NLK: variants seen among roughly 807,000 people sequenced by gnomAD.
NLK encodes the protein nemo like kinase, also known as serine/threonine-protein kinase NLK.
In NLK, 11 loss-of-function variants were observed where a neutral mutation model predicts 59.0. That is an observed-to-expected ratio of 0.19 (90% CI 0.12 to 0.31). The LOEUF is 0.31. Ranked by LOEUF, NLK falls within the 10% of genes least tolerant of loss-of-function variation. NLK has a pLI of 1.00. For synonymous variants in NLK, 235 were observed against 235.9 expected (o/e 1.00, Z 0.03); for missense variants, 410 against 661.1 (o/e 0.62, Z 4.16).
chr17:28,168,887 A>T (rs1489556331), intron 6 of NLK, among the ~76,000 whole-genome samples: 1 of 151,894 alleles, frequency 6.6e-6, no homozygotes, highest in East Asian at 1.9e-4. Context: ...TTTATTTATT[A>T]TTATTATTAT....
Position 28,168,628 on chromosome 17 carries a change from T to G in NLK, c.1018T>G (p.Leu340Val). 1 of 1,613,854 alleles carries G rather than the reference T, an allele frequency of 6.2e-7. No homozygotes were observed. Among genetic ancestry groups the G allele is most frequent in the Non-Finnish European group, 8.5e-7 (1 of 1,179,772 alleles). Reference sequence around the variant, plus strand: ...TGCAGAACTACTAGGACGAAGAATATTGTTTCAGGCACAGAGTCCCATTCA... The same window carrying G: ...TGCAGAACTACTAGGACGAAGAATAGTGTTTCAGGCACAGAGTCCCATTCA... ...IFAELLGRRI[L>V]FQAQSPIQQL... is the part of the protein sequence containing the mutation. The change falls in exon 6 of 11, where the codon TTG becomes GTG. Residue 340 changes from leucine (L) to valine (V), a missense_variant. Leu to Val is a conservative substitution (Grantham distance 32). Transcript: ENST00000407008.
At chr17:28,155,415 C>A (rs941748156) in intron 3 of NLK, among the ~76,000 whole-genome samples, 3 of 152,104 alleles carry the variant, frequency 2.0e-5, no homozygotes, top group Admixed American at 2.0e-4. Flanking sequence ...TTTGACCCAG[C>A]GATCCCATTA....
At chr17:28,185,358 ATAAT>A (rs1909075268) in intron 8 of NLK, 93 bp downstream of exon 8, 2 of 752,150 alleles carry the variant, frequency 2.7e-6, no homozygotes, top group East Asian at 5.6e-5. Context: ...GGCAATGTAA[ATAAT>A]TACTTTTCAG....
chr17:28,102,860 A>G (rs1042964998), intron 1 of NLK, among the ~76,000 whole-genome samples: 1 of 152,086 alleles, frequency 6.6e-6, no homozygotes, highest in African/African-American at 2.4e-5. Flanking sequence ...TCAGGGGGGC[A>G]TCAGCTTTGT....
intron 7 of NLK, among the ~76,000 whole-genome samples, chr17:28,179,856 T>C (rs1908830157): frequency 7.9e-5 from 12 of 151,656 alleles, no homozygotes; most frequent in Admixed American, 7.9e-4. Flanking sequence ...CTAGGGCATA[T>C]TTCTAAGCAT....
chr17:28,162,406 G>A (rs1908045055), intron 4 of NLK, among the ~76,000 whole-genome samples: 1 of 152,102 alleles, frequency 6.6e-6, no homozygotes, highest in African/African-American at 2.4e-5. Flanking sequence ...GCTGAGGCGG[G>A]CAGATCATCT....
chr17:28,122,567 C>CT (rs760061032), intron 1 of NLK, 36 bp from the exon 2 acceptor site: 20 of 1,608,622 alleles, frequency 1.2e-5, no homozygotes, highest in African/African-American at 4.0e-5. Flanking sequence ...ATTTCTCTGT[C>CT]TTTTTTTTCC....
intron 7 of NLK, among the ~76,000 whole-genome samples, chr17:28,177,704 A>G (rs892036510): frequency 2.6e-5 from 4 of 152,230 alleles, no homozygotes; most frequent in African/African-American, 9.6e-5. Context: ...AAATCTTTGA[A>G]AGACTTTTTA....
At chr17:28,088,460 T>C (rs1904361411) in intron 1 of NLK, among the ~76,000 whole-genome samples, 1 of 152,210 alleles carries the variant, frequency 6.6e-6, no homozygotes. Context: ...ACGGTTTCTA[T>C]AAATGATGGG....
chr17:28,047,005 ATC>A (rs955698221), intron 1 of NLK, among the ~76,000 whole-genome samples: 4 of 152,138 alleles, frequency 2.6e-5, no homozygotes, highest in African/African-American at 7.2e-5. Context: ...GGTTACTTTT[ATC>A]TGTCTTTCAA....
intron 1 of NLK, among the ~76,000 whole-genome samples, chr17:28,109,166 G>A (rs1233469962): frequency 6.7e-6 from 1 of 150,262 alleles, no homozygotes; most frequent in African/African-American, 2.5e-5. Context: ...GCGAGACTTC[G>A]TCTCACAAAA....
Position 28,175,353 on chromosome 17 carries a change from C to T in NLK, c.1149+2735C>T, listed in dbSNP as rs183722963. Among the ~76,000 whole-genome samples the T allele has an allele frequency of 3.5e-3, 534 of 151,142 alleles. 2 individuals are homozygous for T. The highest frequency in any genetic ancestry group is 4.6e-3 in the Non-Finnish European group (315 of 67,838). On this transcript the variant is annotated intron_variant, in intron 7 of 10. Coordinates refer to ENST00000407008, the MANE Select transcript of NLK (RefSeq NM_016231.5). ...CCTGTAGTCCCAGCTACTCGGGAGG[C>T]GGCAGGAGAATGGCATGAACCCAGG...
intron 1 of NLK, among the ~76,000 whole-genome samples, chr17:28,119,425 A>C (rs1905922306): frequency 6.6e-6 from 1 of 152,222 alleles, no homozygotes; most frequent in African/African-American, 2.4e-5. Flanking sequence ...AAGTATTTTC[A>C]GGAGTGGGTT....
At chr17:28,175,250 C>A (rs957978531) in intron 7 of NLK, among the ~76,000 whole-genome samples, 1 of 151,650 alleles carries the variant, frequency 6.6e-6, no homozygotes, top group South Asian at 2.1e-4. Flanking sequence ...TCGAGATCAT[C>A]CTGGCTAACA....
intron 1 of NLK, among the ~76,000 whole-genome samples, chr17:28,090,778 A>G (rs555528255): frequency 6.6e-6 from 1 of 152,280 alleles, no homozygotes; most frequent in African/African-American, 2.4e-5. Flanking sequence ...AGTACTTCAA[A>G]GATGTTACTC....
At position 28,154,061 on chromosome 17, in the gene NLK, T is replaced by C. The variant is rs906950483; in HGVS notation, c.645-7099T>C. Among the ~76,000 whole-genome samples, 4 of 152,168 alleles carry C rather than the reference T, an allele frequency of 2.6e-5. No homozygotes were observed. In the East Asian group the frequency reaches 7.7e-4, roughly 29 times the overall value. ...AACACAGTGGATAGAACATAAATCT[T>C]TACTACCATTCCTTCCTGTAGTCCC... On this transcript the variant is annotated intron_variant, in intron 3 of 10. Coordinates refer to ENST00000407008, the MANE Select transcript of NLK (RefSeq NM_016231.5).
intron 1 of NLK, among the ~76,000 whole-genome samples, chr17:28,059,501 G>C (rs1909556346): frequency 6.6e-6 from 1 of 152,022 alleles, no homozygotes; most frequent in Non-Finnish European, 1.5e-5. Context: ...TAGAAAAATA[G>C]AGATCCAGTT....
chr17:28,168,370 C>T, intron 5 of NLK, 78 bp from the exon 6 acceptor site: 4 of 1,050,598 alleles, frequency 3.8e-6, no homozygotes, highest in Non-Finnish European at 5.9e-6. Flanking sequence ...GTTCAGTGCC[C>T]TATCAAAATT....
At chr17:28,176,871 C>T (rs2142061642) in intron 7 of NLK, among the ~76,000 whole-genome samples, 1 of 152,208 alleles carries the variant, frequency 6.6e-6, no homozygotes, top group African/African-American at 2.4e-5. Flanking sequence ...TAAAAACACA[C>T]AAATACAATG....
Sources: gnomAD v4.1 joint callset for allele counts (sites outside exome capture counted in the v4.1 genomes callset) on GRCh38, gnomAD v4.1.1 for gene constraint, MANE v1.5 for transcripts, NCBI Gene and HGNC (gene_info 2026-07-23, HGNC 2026-07-21) for gene names.